Variants in KATNAL2 observed in about 807,000 individuals in gnomAD.
KATNAL2 encodes the protein katanin p60 ATPase-containing subunit A-like 2.
Under a neutral mutation model 76.3 loss-of-function variants are expected in KATNAL2, and 52 were observed. That is an observed-to-expected ratio of 0.68 (90% CI 0.55 to 0.86). The LOEUF is 0.86. Among genes scored for constraint, KATNAL2 ranks in the 40% least tolerant of loss-of-function variants. The pLI is 0.00. For missense variants in KATNAL2, 660 were observed against 668.9 expected, an observed-to-expected ratio of 0.99 and a Z score of 0.15; for synonymous variants, 243 against 244.2, an observed-to-expected ratio of 1.00 and a Z score of 0.05.
intron 1 of KATNAL2, among the ~76,000 whole-genome samples, chr18:46,941,845 C>T (rs1329004573): frequency 6.6e-6 from 1 of 152,114 alleles, no homozygotes; most frequent in East Asian, 1.9e-4. Flanking sequence ...TAATTCTCAG[C>T]AAGGCAAGTT....
chr18:47,035,079 C>T (rs369465146), intron 3 of KATNAL2: 38 of 1,611,050 alleles, frequency 2.4e-5, no homozygotes, highest in Non-Finnish European at 3.1e-5. Context: ...CAAAGTCGCC[C>T]ACGTGCTGGT....
intron 1 of KATNAL2, among the ~76,000 whole-genome samples, chr18:46,944,970 C>T (rs1235309129): frequency 6.6e-6 from 1 of 152,118 alleles, no homozygotes; most frequent in African/African-American, 2.4e-5. Flanking sequence ...GGATGATGTG[C>T]GTACTTACAT....
At chr18:47,051,432 G>GA (rs147656971) in intron 4 of KATNAL2, among the ~76,000 whole-genome samples, 36 of 136,544 alleles carry the variant, frequency 2.6e-4, no homozygotes, top group African/African-American at 4.7e-4. Context: ...TCTCTAAAAA[G>GA]AAAAAAAAAA....
intron 7 of KATNAL2, among the ~76,000 whole-genome samples, chr18:47,058,912 T>C (rs2061548025): frequency 6.6e-6 from 1 of 152,054 alleles, no homozygotes; most frequent in Non-Finnish European, 1.5e-5. Context: ...ATCCAGCAGG[T>C]GAGAGAAGTC....
At chr18:46,953,036 AGGCATGTGCCACCATGCCT>A (rs1356258260) in intron 3 of KATNAL2, among the ~76,000 whole-genome samples, 1 of 151,582 alleles carries the variant, frequency 6.6e-6, no homozygotes, top group Non-Finnish European at 1.5e-5. Context: ...CTGGGACTAC[AGGCATGTGCCACCATGCCT>A]GGCTAATTTT....
chr18:46,927,784 C>T (rs1196273432), intron 1 of KATNAL2, among the ~76,000 whole-genome samples: 1 of 152,132 alleles, frequency 6.6e-6, no homozygotes. Context: ...TTGTTCGTTT[C>T]TTTTTATTCT....
intron 15 of KATNAL2, chr18:47,091,170 G>T (rs2062984482): frequency 6.6e-6 from 1 of 152,298 alleles, no homozygotes; most frequent in African/African-American, 2.4e-5. Context: ...ACTTAGGAAG[G>T]TACCTGAGGG....
intron 1 of KATNAL2, among the ~76,000 whole-genome samples, chr18:46,943,019 A>G (rs1412780303): frequency 6.6e-6 from 1 of 152,140 alleles, no homozygotes; most frequent in Non-Finnish European, 1.5e-5. Context: ...TTTCGCCAAC[A>G]GGGTTTGGAG....
At chr18:47,059,813 C>A (rs891275817) in intron 8 of KATNAL2, among the ~76,000 whole-genome samples, 159 bp downstream of exon 8, 1 of 151,872 alleles carries the variant, frequency 6.6e-6, no homozygotes, top group African/African-American at 2.4e-5. Context: ...AAAATGGGTT[C>A]TTCTTTGGAA....
At chr18:47,072,107 C>T (rs1450585333) in intron 13 of KATNAL2, among the ~76,000 whole-genome samples, 2 of 151,076 alleles carry the variant, frequency 1.3e-5, no homozygotes, top group Non-Finnish European at 3.0e-5. Flanking sequence ...ACTACAGGTG[C>T]CCCCCACCAT....
At chr18:46,919,966 C>T in intron 1 of KATNAL2, 2 of 798,400 alleles carry the variant, frequency 2.5e-6, no homozygotes, top group Non-Finnish European at 3.7e-6. Context: ...GAGTACAATA[C>T]AGCCCTGCCA....
chr18:46,954,564 C>T (rs554932097), intron 3 of KATNAL2, among the ~76,000 whole-genome samples: 3 of 152,010 alleles, frequency 2.0e-5, no homozygotes, highest in Non-Finnish European at 2.9e-5. Context: ...TTCTTGACCT[C>T]GTGATCTGCC....
At chr18:47,049,678 G>T (rs1049166421) in intron 4 of KATNAL2, among the ~76,000 whole-genome samples, 6 of 152,144 alleles carry the variant, frequency 3.9e-5, no homozygotes, top group African/African-American at 1.4e-4. Context: ...TCAAGGTTTT[G>T]CAAATCAATT....
At chr18:47,065,409 G>A (rs1019036674) in intron 10 of KATNAL2, among the ~76,000 whole-genome samples, 10 of 150,820 alleles carry the variant, frequency 6.6e-5, no homozygotes, top group African/African-American at 2.2e-4. Context: ...TCGACTGTGG[G>A]ACTTGAGTAT....
intron 3 of KATNAL2, among the ~76,000 whole-genome samples, chr18:47,042,423 T>C (rs1401435300): frequency 6.6e-6 from 1 of 152,204 alleles, no homozygotes; most frequent in Non-Finnish European, 1.5e-5. Context: ...AACTTTCTAT[T>C]TGAATTCTTT....
At chr18:46,955,807 C>G (rs1028727026) in intron 3 of KATNAL2, among the ~76,000 whole-genome samples, 1 of 152,204 alleles carries the variant, frequency 6.6e-6, no homozygotes, top group East Asian at 1.9e-4. Context: ...CCCACTTCAG[C>G]CTTCCACAGT....
At chr18:46,958,493 A>G (rs1047802258) in intron 3 of KATNAL2, among the ~76,000 whole-genome samples, 4 of 152,150 alleles carry the variant, frequency 2.6e-5, no homozygotes, top group Non-Finnish European at 4.4e-5. Flanking sequence ...GTGTGTATGC[A>G]TGTTTGTATA....
intron 13 of KATNAL2, among the ~76,000 whole-genome samples, chr18:47,070,243 C>T (rs565273523): frequency 6.6e-6 from 1 of 151,956 alleles, no homozygotes; most frequent in South Asian, 2.1e-4. Context: ...ATTACAGGTG[C>T]CTGCCACCAC....
At chr18:47,064,189 C>T (rs1377512490) in intron 10 of KATNAL2, among the ~76,000 whole-genome samples, 1 of 151,460 alleles carries the variant, frequency 6.6e-6, no homozygotes, top group Non-Finnish European at 1.5e-5. Context: ...GAGCATAGTC[C>T]TTGCCCTCAA....
Sources: gnomAD v4.1 joint callset for allele counts (sites outside exome capture counted in the v4.1 genomes callset) on GRCh38, gnomAD v4.1.1 for gene constraint, MANE v1.5 for transcripts, NCBI Gene and HGNC (gene_info 2026-07-23, HGNC 2026-07-21) for gene names.